Variants in SVEP1 observed in about 807,000 individuals in gnomAD.
SVEP1 encodes sushi, von Willebrand factor type A, EGF and pentraxin domain-containing protein 1.
SVEP1 carries 164 observed loss-of-function variants against 367.3 expected under a neutral mutation model. The ratio of observed to expected loss-of-function variants is 0.45; its 90% CI spans 0.39 to 0.51. The LOEUF (loss-of-function observed/expected upper bound fraction) is 0.51. Among genes scored for constraint, SVEP1 ranks in the 20% least tolerant of loss-of-function variants. The pLI is 0.00. For missense variants in SVEP1, 4,117 were observed against 4,425.3 expected (o/e 0.93, Z 1.98); for synonymous variants, 1,666 against 1,611.6 (o/e 1.03, Z -0.81).
chr9:110,434,465 C>A lies in SVEP1; in HGVS notation c.4930G>T (p.Ala1644Ser), dbSNP rs756144275. Residue 1644 changes from alanine (A) to serine (S), a missense_variant, in exon 30 of 48, where the codon GCA (alanine) becomes TCA (serine). By Grantham distance (99) the Ala-to-Ser change is moderately conservative (BLOSUM62 1). Coordinates refer to ENST00000374469, the MANE Select transcript of SVEP1 (RefSeq NM_153366.4). ...LGGSVPHLRT[A>S]SEDLKPGSKV... ...GAACCTGGCTTTAAATCTTCAGATG[C>A]AGTTCTCAGATGAGGCACTGACCCT... The A allele has an allele frequency of 1.9e-6, 3 of 1,613,440 alleles. No homozygotes were observed. Among genetic ancestry groups the A allele is most frequent in the Non-Finnish European group, 2.5e-6 (3 of 1,179,720 alleles).
At position 110,389,570 on chromosome 9, in the gene SVEP1, G is replaced by C. The variant is rs1350196192; in HGVS notation, c.9840C>G (p.Val3280=). The change falls in exon 41 of 48, where the codon GTC becomes GTG. Residue 3280 remains valine, a synonymous_variant. Coordinates refer to ENST00000374469, the MANE Select transcript of SVEP1 (RefSeq NM_153366.4). ...GYELEGNRER[V]CQENRQWSGG... ...CACTCCACTGTCTGTTCTCCTGGCA[G>C]ACACGTTCCCTGTTCCCCTGTGAAA... 10 of 1,613,670 alleles carry C rather than the reference G, an allele frequency of 6.2e-6. No homozygotes were observed. The highest frequency in any genetic ancestry group is 8.5e-6 in the Non-Finnish European group (10 of 1,179,752).
At chr9:110,399,576 C>T (rs1227945942) in intron 40 of SVEP1, among the ~76,000 whole-genome samples, 1 of 152,106 alleles carries the variant, frequency 6.6e-6, no homozygotes, top group African/African-American at 2.4e-5. Context: ...TCCTGTCACC[C>T]AGGCTGGAGT....
chr9:110,527,832 G>C (rs1023688886), intron 3 of SVEP1, among the ~76,000 whole-genome samples: 1 of 151,282 alleles, frequency 6.6e-6, no homozygotes, highest in African/African-American at 2.4e-5. Context: ...TACTAGGTAG[G>C]TTTTTTTATC....
At chr9:110,400,345 T>A (rs1028436048) in intron 40 of SVEP1, among the ~76,000 whole-genome samples, 1 of 151,746 alleles carries the variant, frequency 6.6e-6, no homozygotes, top group Non-Finnish European at 1.5e-5. Flanking sequence ...ATGGCTTTCA[T>A]GTTTTTTATT....
intron 21 of SVEP1, among the ~76,000 whole-genome samples, chr9:110,456,713 G>C (rs1025092414): frequency 3.9e-5 from 6 of 152,060 alleles, no homozygotes; most frequent in Non-Finnish European, 8.8e-5. Context: ...CAAAAATTAT[G>C]TTTCTGGACT....
chr9:110,576,763 GACTTA>G lies in SVEP1; in HGVS notation c.531+2245_531+2249del, dbSNP rs1325821846. Among the ~76,000 whole-genome samples, 15 of 151,934 alleles carry G rather than the reference GACTTA, an allele frequency of 9.9e-5. 1 individual carries two copies. The highest frequency in any genetic ancestry group is 1.5e-5 in the Non-Finnish European group (1 of 67,958). ...ATGTAAACTTGAAAAATATATACAGGACTTAACTTCTAAAAATCTACAACTTTGTT... is the reference window on the plus strand; with the variant it reads ...ATGTAAACTTGAAAAATATATACAGGACTTCTAAAAATCTACAACTTTGTT... On this transcript the variant is annotated intron_variant, in intron 1 of 47. Transcript: ENST00000374469.
rs775349847 is a variant in SVEP1 at position 110,407,191 on chromosome 9, G to C, written c.8409C>G (p.Pro2803=). The change falls in exon 38 of 48, where the codon CCC becomes CCG. Residue 2803 remains proline, a synonymous_variant. Coordinates refer to ENST00000374469, the MANE Select transcript of SVEP1 (RefSeq NM_153366.4). Reference sequence around the variant, plus strand: ...TCTCAGTGCCATTCAGCACATATCCGGGGTCACACTCATAGTACAACGTGC... The same window carrying C: ...TCTCAGTGCCATTCAGCACATATCCCGGGTCACACTCATAGTACAACGTGC... ...YLSTLYYECD[P]GYVLNGTERR... is the part of the protein sequence containing the mutation. 6.2e-7 allele frequency: 1 copy of C among 1,613,906 alleles called. No homozygotes were observed. Among genetic ancestry groups the C allele is most frequent in the Non-Finnish European group, 8.5e-7 (1 of 1,179,872 alleles).
At chr9:110,478,744 G>A (rs1015468477) in intron 13 of SVEP1, among the ~76,000 whole-genome samples, 3 of 152,038 alleles carry the variant, frequency 2.0e-5, no homozygotes, top group Non-Finnish European at 2.9e-5. Flanking sequence ...ATGGACATTC[G>A]TTAATATGTT....
chr9:110,476,162 A>G, intron 14 of SVEP1, 42 bp downstream of exon 14: 1 of 1,212,708 alleles, frequency 8.2e-7, no homozygotes, highest in Non-Finnish European at 1.2e-6. Flanking sequence ...CTTATTTTGC[A>G]GATTAGTCTT....
intron 40 of SVEP1, among the ~76,000 whole-genome samples, chr9:110,395,082 CTG>C (rs1243769885): frequency 2.0e-5 from 3 of 152,104 alleles, no homozygotes; most frequent in Non-Finnish European, 4.4e-5. Context: ...GAAGGAAAAA[CTG>C]TTAAGAGCAG....
rs762396857 is a variant in SVEP1 at position 110,385,996 on chromosome 9, A to G, written c.10139T>C (p.Val3380Ala). The G allele has an allele frequency of 6.2e-7, 1 of 1,613,936 alleles. No homozygotes were observed. Among genetic ancestry groups the G allele is most frequent in the Non-Finnish European group, 8.5e-7 (1 of 1,179,862 alleles). Reference sequence around the variant, plus strand: ...AAAACCTTCCCTACATTTGATGGACACATTCTGATCAACATAAAACTCCTT... The same window carrying G: ...AAAACCTTCCCTACATTTGATGGACGCATTCTGATCAACATAAAACTCCTT... ...SEKEFYVDQN[V>A]SIKCREGFLL... The change falls in exon 43 of 48, where the codon GTG (valine) becomes GCG (alanine). Residue 3380 changes from valine (V) to alanine (A), a missense_variant. Around this residue, in one of 4 missense-constraint regions of SVEP1, gnomAD observed 1,765 missense variants for 1,781.1 expected, o/e 0.99. Transcript: ENST00000374469.
At chr9:110,551,136 G>A (rs1000401544) in intron 1 of SVEP1, among the ~76,000 whole-genome samples, 2 of 152,168 alleles carry the variant, frequency 1.3e-5, no homozygotes, top group African/African-American at 2.4e-5. Context: ...TCAGAAGGTA[G>A]GCAGGAAGAG....
chr9:110,495,784 T>C (rs1282837603), intron 8 of SVEP1, among the ~76,000 whole-genome samples: 1 of 152,218 alleles, frequency 6.6e-6, no homozygotes, highest in Non-Finnish European at 1.5e-5. Context: ...TGATGGATTA[T>C]TTCAAGCTAC....
chr9:110,498,906 G>C (rs1351949004), intron 7 of SVEP1, 135 bp downstream of exon 7: 1 of 595,014 alleles, frequency 1.7e-6, no homozygotes, highest in African/African-American at 1.9e-5. Context: ...AATCCTCATA[G>C]AGGATATTGG....
At position 110,471,477 on chromosome 9, in the gene SVEP1, A is replaced by G; in HGVS notation, c.2885T>C (p.Met962Thr). Reference sequence around the variant, plus strand: ...TTCTGATGCAAGCTGAAAGGAATACATGGGGTCTTTGTTGAGAGTCCTTTT... The same window carrying G: ...TTCTGATGCAAGCTGAAAGGAATACGTGGGGTCTTTGTTGAGAGTCCTTTT... ...KLKRTLNKDP[M>T]YSFQLASEIL... The change falls in exon 16 of 48, where the codon ATG (methionine) becomes ACG (threonine). Residue 962 changes from methionine (M) to threonine (T), a missense_variant. Transcript: ENST00000374469. 6.2e-7 allele frequency: 1 copy of G among 1,613,958 alleles called. No individual in the cohort carries two copies. Among genetic ancestry groups the G allele is most frequent in the Non-Finnish European group, 8.5e-7 (1 of 1,179,858 alleles).
chr9:110,432,726 A>G, intron 30 of SVEP1, 91 bp from the exon 31 acceptor site: 5 of 1,434,256 alleles, frequency 3.5e-6, no homozygotes, highest in Non-Finnish European at 4.7e-6. Flanking sequence ...TCAGTTAAGC[A>G]TGACATTTTT....
At chr9:110,443,523 T>C (rs748867524) in intron 27 of SVEP1, 22 bp downstream of exon 27, 2 of 1,573,730 alleles carry the variant, frequency 1.3e-6, no homozygotes, top group East Asian at 4.6e-5. Flanking sequence ...AACAGAATTA[T>C]ACTCATTTTG....
intron 40 of SVEP1, among the ~76,000 whole-genome samples, chr9:110,390,286 C>CGTATATAT (rs1564127486): frequency 5.0e-5 from 2 of 39,944 alleles, no homozygotes; most frequent in African/African-American, 3.5e-4. Context: ...TATATATATA[C>CGTATATAT]ATACTTATAT....
intron 1 of SVEP1, among the ~76,000 whole-genome samples, chr9:110,569,171 T>C (rs1830525803): frequency 6.6e-6 from 1 of 151,872 alleles, no homozygotes; most frequent in South Asian, 2.1e-4. Context: ...GTACATCCTA[T>C]CTGCTAGTGC....
Sources: gnomAD v4.1 joint callset for allele counts (sites outside exome capture counted in the v4.1 genomes callset) on GRCh38, gnomAD v4.1.1 for gene constraint, gnomAD v4.1.1 regional missense constraint, MANE v1.5 for transcripts, NCBI Gene and HGNC (gene_info 2026-07-23, HGNC 2026-07-21) for gene names.